The following RUBCN variants were observed in gnomAD, a reference collection of about 807,000 sequenced individuals.
RUBCN encodes the protein run domain Beclin-1-interacting and cysteine-rich domain-containing protein.
In RUBCN, 74 loss-of-function variants were observed where a neutral mutation model predicts 113.2. The ratio of observed to expected loss-of-function variants is 0.65; its 90% CI spans 0.54 to 0.79. The LOEUF is 0.79. RUBCN is among the 30% of genes least tolerant of loss of function. RUBCN has a pLI of 0.00. For synonymous variants in RUBCN, 480 were observed against 490.0 expected (o/e 0.98, Z 0.27); for missense variants, 1,109 against 1,251.7 (o/e 0.89, Z 1.72).
chr3:197,739,834 G>A (rs908844940), upstream of RUBCN, among the ~76,000 whole-genome samples: 8 of 152,136 alleles, frequency 5.3e-5, no homozygotes, highest in Admixed American at 4.6e-4. Flanking sequence ...CCAGGAGTTC[G>A]AAACCAGCCT....
rs1719603628 is a variant in RUBCN, at chr3:197,669,689, A to T, written c.*5329T>A. Among the ~76,000 whole-genome samples, 1 of 152,086 alleles carries T rather than the reference A, an allele frequency of 6.6e-6. No individual in the cohort carries two copies. Among genetic ancestry groups the T allele is most frequent in the South Asian group, 2.1e-4 (1 of 4,814 alleles). Reference sequence around the variant, plus strand: ...AAAAGTGAATCACTAATTCCAGTCCACCCTCAATGGGAGAAGGAATTAAAC... The same window carrying T: ...AAAAGTGAATCACTAATTCCAGTCCTCCCTCAATGGGAGAAGGAATTAAAC... On this transcript the variant is annotated 3_prime_UTR_variant, in exon 20 of 20. Transcript: ENST00000296343.
intron 4 of RUBCN, among the ~76,000 whole-genome samples, chr3:197,704,240 G>A (rs932032350): frequency 2.6e-5 from 4 of 152,158 alleles, no homozygotes; most frequent in African/African-American, 7.2e-5. Context: ...TTCGAGACCT[G>A]CCTGACCAAC....
intron 1 of RUBCN, among the ~76,000 whole-genome samples, chr3:197,735,672 G>C (rs1393713459): frequency 6.6e-6 from 1 of 152,080 alleles, no homozygotes. Flanking sequence ...GCTCAATGCA[G>C]CCTCGACTTA....
rs1560406818 is a variant in RUBCN at position 197,681,277 on chromosome 3, C to CG, written c.2281dup (p.Arg761ProfsTer23). On this transcript the variant is annotated frameshift_variant, in exon 16 of 20. Transcript: ENST00000296343. LOFTEE classifies it high-confidence loss of function. The surrounding 1 kb of genome is among the most constrained non-coding windows in gnomAD (Gnocchi z 5.5). The stretch of plus-strand genomic sequence containing the variant: ...GCTGAAGTCCCACTTGCGCAGAACC[C>CG]GGCTGGGGATGGCCATCTGGGCATT... 1 of 1,614,158 alleles carries CG rather than the reference C, an allele frequency of 6.2e-7. No homozygotes were observed. Among genetic ancestry groups the CG allele is most frequent in the Non-Finnish European group, 8.5e-7 (1 of 1,180,014 alleles).
chr3:197,726,787 G>T (rs1358262408), intron 1 of RUBCN, among the ~76,000 whole-genome samples: 3 of 151,844 alleles, frequency 2.0e-5, no homozygotes, highest in African/African-American at 4.8e-5. Context: ...TGATCCGCCC[G>T]CCTCAGCCTC....
rs1415427299 is a variant in RUBCN at position 197,675,022 on chromosome 3, G to A, written c.2915C>T (p.Thr972Ile). The A allele has an allele frequency of 2.5e-6, 4 of 1,612,004 alleles. No individual in the cohort carries two copies. Among genetic ancestry groups the A allele is most frequent in the Non-Finnish European group, 3.4e-6 (4 of 1,179,864 alleles). The change falls in exon 20 of 20, where the codon ACC becomes ATC. Residue 972 changes from threonine (T) to isoleucine (I), a missense_variant. Transcript: ENST00000296343. The surrounding 1 kb of genome is among the most constrained non-coding windows in gnomAD (Gnocchi z 4.4). ...LALEAAVLEA[T>I] ...GGAGGGCTGCACGTGCTTTCTTCAG[G>A]TGGCCTCCAGGACGGCGGCTTCCAG...
chr3:197,672,624 T>A lies in RUBCN; in HGVS notation c.*2394A>T, dbSNP rs1264183375. On this transcript the variant is annotated 3_prime_UTR_variant, in exon 20 of 20. Transcript: ENST00000296343. ...TTGTCATCCTTTGATCCTATGCTGA[T>A]GTGAAACAGGCAGGACAAGACGGCA... The A allele has an allele frequency of 6.6e-6, 1 of 152,258 alleles. No individual in the cohort carries two copies. The highest frequency in any genetic ancestry group is 2.4e-5 in the African/African-American group (1 of 41,478). The allele number at this position is 152,258 out of a possible 1,614,324, so 9.4% of individuals were successfully genotyped here.
At chr3:197,711,822 TA>T (rs1266140093) in intron 2 of RUBCN, among the ~76,000 whole-genome samples, 42 of 152,316 alleles carry the variant, frequency 2.8e-4, no homozygotes, top group African/African-American at 9.9e-4. Context: ...AAAAATTAAA[TA>T]TTTTTCAAGT....
At chr3:197,723,105 T>C (rs1460695116) in intron 1 of RUBCN, among the ~76,000 whole-genome samples, 1 of 152,204 alleles carries the variant, frequency 6.6e-6, no homozygotes, top group Admixed American at 6.5e-5. Context: ...TGGTGTGTCA[T>C]AGGTTTTTGC....
chr3:197,699,206 T>C, intron 7 of RUBCN: 1 of 1,550,480 alleles, frequency 6.4e-7, no homozygotes, highest in South Asian at 1.2e-5. Context: ...GATCTTCAAC[T>C]ATAATGGTGA....
At chr3:197,713,342 G>A (rs1725164458) in intron 2 of RUBCN, among the ~76,000 whole-genome samples, 1 of 152,122 alleles carries the variant, frequency 6.6e-6, no homozygotes, top group South Asian at 2.1e-4. Context: ...TAGTAACAGG[G>A]CCAAGAGAAG....
At position 197,694,589 on chromosome 3, in the gene RUBCN, G is replaced by A. The variant is rs200101793; in HGVS notation, c.1474-4C>T. On this transcript the variant is annotated splice_polypyrimidine_tract_variant and splice_region_variant and intron_variant, in intron 9 of 19. Coordinates refer to ENST00000296343, the MANE Select transcript of RUBCN (RefSeq NM_014687.4). ...AGATGCTGAAGTGGGCATTCTCCTGGCGGAAGGAGAGCACCAAACAGGCAA... is the reference window on the plus strand; with the variant it reads ...AGATGCTGAAGTGGGCATTCTCCTGACGGAAGGAGAGCACCAAACAGGCAA... 9.9e-6 allele frequency: 16 copies of A among 1,612,818 alleles called. 1 individual carries two copies. The South Asian group carries it at 1.3e-4, about 13-fold the overall frequency.
chr3:197,679,976 G>A (rs1414082194), intron 16 of RUBCN, among the ~76,000 whole-genome samples: 3 of 142,532 alleles, frequency 2.1e-5, no homozygotes, highest in African/African-American at 5.4e-5. Flanking sequence ...ACTGTCCTAC[G>A]CTCTAACTGA....
At chr3:197,711,675 A>T (rs1204634281) in intron 2 of RUBCN, among the ~76,000 whole-genome samples, 1 of 152,088 alleles carries the variant, frequency 6.6e-6, no homozygotes, top group African/African-American at 2.4e-5. Context: ...TTTAAAAAAA[A>T]TTTTTAATTA....
intron 1 of RUBCN, among the ~76,000 whole-genome samples, chr3:197,731,125 G>C (rs1442960059): frequency 6.6e-6 from 1 of 151,654 alleles, no homozygotes; most frequent in African/African-American, 2.4e-5. Flanking sequence ...GGTTTTCCTA[G>C]GCAGAGGACC....
At chr3:197,714,804 T>C (rs1725336891) in intron 2 of RUBCN, among the ~76,000 whole-genome samples, 1 of 151,942 alleles carries the variant, frequency 6.6e-6, no homozygotes, top group Non-Finnish European at 1.5e-5. Flanking sequence ...ATTTGTGAGG[T>C]CTGATTTTTT....
intron 2 of RUBCN, among the ~76,000 whole-genome samples, chr3:197,706,829 T>G (rs1288366092): frequency 6.6e-6 from 1 of 152,214 alleles, no homozygotes; most frequent in Non-Finnish European, 1.5e-5. Flanking sequence ...AAGTCTTTCT[T>G]CTCGCCTCTA....
At chr3:197,686,524 G>C (rs950053180) in intron 11 of RUBCN, among the ~76,000 whole-genome samples, 3 of 152,178 alleles carry the variant, frequency 2.0e-5, no homozygotes, top group African/African-American at 7.2e-5. Flanking sequence ...TGCGGGTCCT[G>C]GGCCTGCGCT....
At chr3:197,696,451 G>A (rs1037687539) in intron 8 of RUBCN, among the ~76,000 whole-genome samples, 2 of 151,990 alleles carry the variant, frequency 1.3e-5, no homozygotes, top group East Asian at 1.9e-4. Flanking sequence ...GTTGGAAAAC[G>A]GTAGAATAAA....
Sources: allele counts gnomAD v4.1 joint callset (sites outside exome capture counted in the v4.1 genomes callset), GRCh38; gene constraint gnomAD v4.1.1; non-coding constraint Gnocchi (gnomAD v3.1); transcripts MANE v1.5; gene names NCBI Gene and HGNC (gene_info 2026-07-23, HGNC 2026-07-21).